MLH3: variants seen among roughly 807,000 people sequenced by gnomAD.
MLH3 encodes DNA mismatch repair protein Mlh3.
Under a neutral mutation model 122.2 loss-of-function variants are expected in MLH3, and 82 were observed. The observed-to-expected ratio is 0.67, with a 90% CI of 0.56 to 0.81. The LOEUF is 0.81. Ranked by LOEUF, MLH3 falls within the 30% of genes least tolerant of loss-of-function variation. The pLI, the probability that MLH3 is intolerant of heterozygous loss-of-function variation, is 0.00. For missense variants in MLH3, 1,539 were observed against 1,714.5 expected, an observed-to-expected ratio of 0.90 and a Z score of 1.81; for synonymous variants, 524 against 599.5, an observed-to-expected ratio of 0.87 and a Z score of 1.84.
At chr14:75,040,780 T>C (rs1400944362) in intron 4 of MLH3, among the ~76,000 whole-genome samples, 2 of 152,170 alleles carry the variant, frequency 1.3e-5, no homozygotes, top group Admixed American at 6.5e-5. Context: ...ATGATAACAA[T>C]TTCATTATCA....
chr14:75,034,009 A>T (rs1350159876), intron 6 of MLH3, among the ~76,000 whole-genome samples: 1 of 152,098 alleles, frequency 6.6e-6, no homozygotes, highest in African/African-American at 2.4e-5. Context: ...CCTGGCCAAC[A>T]TGGTGAAACC....
At position 75,048,008 on chromosome 14, in the gene MLH3, G is replaced by C; in HGVS notation, c.1648C>G (p.Gln550Glu). Residue 550 changes from glutamine to glutamate, a missense_variant, in exon 2 of 13, where the codon CAA (glutamine) becomes GAA (glutamate). Gln to Glu is a conservative substitution (Grantham distance 29). Coordinates refer to ENST00000355774, the MANE Select transcript of MLH3 (RefSeq NM_001040108.2). ...GTAGCATCTTTAAATCTCTTTGGTT[G>C]ATTCTGAATTCTATTATTTTTCAAG... ...NILKNNRIQNQPKRFKDATEV... is the reference protein window; with the variant it reads ...NILKNNRIQNEPKRFKDATEV... 6.2e-7 allele frequency: 1 copy of C among 1,613,494 alleles called. No individual in the cohort carries two copies. The highest frequency in any genetic ancestry group is 1.1e-5 in the South Asian group (1 of 90,826).
intron 5 of MLH3, among the ~76,000 whole-genome samples, chr14:75,039,411 A>G (rs1389806280): frequency 1.3e-5 from 2 of 152,172 alleles, no homozygotes; most frequent in Non-Finnish European, 2.9e-5. Flanking sequence ...TGGTAAACAC[A>G]AGGCAAAATA....
intron 9 of MLH3, among the ~76,000 whole-genome samples, chr14:75,025,797 C>G (rs1403517023): frequency 2.6e-5 from 4 of 152,178 alleles, no homozygotes; most frequent in African/African-American, 9.7e-5. Flanking sequence ...GTGTCTAAAC[C>G]CACCTTCACG....
rs779598518 is a variant in MLH3 at position 75,048,849 on chromosome 14, G to A, written c.807C>T (p.Asp269=). 2.5e-6 allele frequency: 4 copies of A among 1,614,080 alleles called. No homozygotes were observed. Among genetic ancestry groups the A allele is most frequent in the Admixed American group, 1.7e-5 (1 of 60,014 alleles). ...VLRTKLHKLI[D]FLLRKESIIC... ...TAATACTTTCTTTCCTTAATAAAAA[G>A]TCAATGAGTTTATGTAGCTTTGTCC... Residue 269 remains aspartate (D), a synonymous_variant, in exon 2 of 13, where the codon GAC becomes GAT. Transcript: ENST00000355774.
chr14:75,030,834 A>C, intron 8 of MLH3, 132 bp from the exon 9 acceptor site: 5 of 748,496 alleles, frequency 6.7e-6, no homozygotes, highest in Non-Finnish European at 9.0e-6. Flanking sequence ...TGTTTTTCTC[A>C]CACTTATGTG....
intron 5 of MLH3, among the ~76,000 whole-genome samples, chr14:75,039,111 C>A (rs1891629310): frequency 6.6e-6 from 1 of 152,190 alleles, no homozygotes; most frequent in African/African-American, 2.4e-5. Context: ...CCCACCTCGG[C>A]CTCCCAAAGT....
chr14:75,049,669 A>G lies in MLH3; in HGVS notation c.-14T>C. Reference sequence around the variant, plus strand: ...GCACTTGATCATGGTAGGTAGAAAGATGGTGAGAATGCCAGGCACTGGTTT... The same window carrying G: ...GCACTTGATCATGGTAGGTAGAAAGGTGGTGAGAATGCCAGGCACTGGTTT... On this transcript the variant is annotated 5_prime_UTR_variant, in exon 2 of 13. Coordinates refer to ENST00000355774, the MANE Select transcript of MLH3 (RefSeq NM_001040108.2). The G allele has an allele frequency of 5.0e-6, 8 of 1,611,750 alleles. No homozygotes were observed. The highest frequency in any genetic ancestry group is 5.1e-6 in the Non-Finnish European group (6 of 1,178,658).
rs2139454380 is a variant in MLH3 at position 75,038,322 on chromosome 14, G to A, written c.3643+18C>T. ...GAAGACCAGCTGGTTAATCATTCAGGCTAAACTCCATTCTTACCTGCCTCG... is the reference window on the plus strand; with the variant it reads ...GAAGACCAGCTGGTTAATCATTCAGACTAAACTCCATTCTTACCTGCCTCG... On this transcript the variant is annotated intron_variant, in intron 6 of 12. Coordinates refer to ENST00000355774, the MANE Select transcript of MLH3 (RefSeq NM_001040108.2). 1 of 1,595,772 alleles carries A rather than the reference G, an allele frequency of 6.3e-7. No homozygotes were observed. Among genetic ancestry groups the A allele is most frequent in the Non-Finnish European group, 8.6e-7 (1 of 1,163,562 alleles).
At chr14:75,017,241 A>T (rs780644878) in intron 12 of MLH3, 40 bp from the exon 13 acceptor site, 2 of 1,607,454 alleles carry the variant, frequency 1.2e-6, no homozygotes, top group Non-Finnish European at 1.7e-6. Flanking sequence ...CAATATGAAA[A>T]GGTAGGTAGC....
rs780845602 is a variant in MLH3 at position 75,046,920 on chromosome 14, GC to G, written c.2735del (p.Cys912SerfsTer4). 2 of 1,613,896 alleles carry G rather than the reference GC, an allele frequency of 1.2e-6. No individual in the cohort carries two copies. The highest frequency in any genetic ancestry group is 1.3e-5 in the African/African-American group (1 of 74,918). ...SDSSRKDSKL[C>X]SVLTQDFCML... ...TACAAAAATCTTGTGTTAACACACT[GC>G]ACAACTTGCTGTCTTTCCTACTGGA... is the stretch of plus-strand genomic sequence containing the variant. On this transcript the variant is annotated frameshift_variant, in exon 2 of 13. Coordinates refer to ENST00000355774, the MANE Select transcript of MLH3 (RefSeq NM_001040108.2). LOFTEE classifies it high-confidence loss of function.
intron 9 of MLH3, among the ~76,000 whole-genome samples, chr14:75,023,765 T>C (rs897640595): frequency 1.1e-4 from 16 of 152,294 alleles, no homozygotes; most frequent in Admixed American, 7.8e-4. Flanking sequence ...TATAAGAAAA[T>C]CATTTCTTTA....
intron 11 of MLH3, among the ~76,000 whole-genome samples, chr14:75,021,152 C>G (rs997987913): frequency 7.9e-5 from 12 of 152,274 alleles, no homozygotes; most frequent in African/African-American, 2.9e-4. Flanking sequence ...GCTGGGATTA[C>G]AGGCGTAAGC....
intron 6 of MLH3, among the ~76,000 whole-genome samples, chr14:75,033,990 C>A (rs1277185503): frequency 6.6e-6 from 1 of 151,902 alleles, no homozygotes; most frequent in South Asian, 2.1e-4. Context: ...GTCAAGAAAT[C>A]GAGATCATCC....
At chr14:75,027,686 A>AAAC (rs1555341354) in intron 9 of MLH3, among the ~76,000 whole-genome samples, 2 of 149,586 alleles carry the variant, frequency 1.3e-5, no homozygotes, top group African/African-American at 4.9e-5. Flanking sequence ...AAAAAAAAAA[A>AAAC]AAAAAAAACC....
At chr14:75,042,324 T>G in intron 3 of MLH3, 55 bp downstream of exon 3, 2 of 1,481,346 alleles carry the variant, frequency 1.4e-6, no homozygotes, top group East Asian at 4.5e-5. Context: ...CTTTGTTTTT[T>G]GAGTTAGGTG....
At chr14:75,027,321 G>A (rs898319888) in intron 9 of MLH3, among the ~76,000 whole-genome samples, 4 of 150,736 alleles carry the variant, frequency 2.7e-5, no homozygotes, top group South Asian at 4.2e-4. Context: ...GTGCAATGGC[G>A]TGATCTCAGC....
At chr14:75,042,095 G>C (rs923143482) in intron 3 of MLH3, among the ~76,000 whole-genome samples, 3 of 152,198 alleles carry the variant, frequency 2.0e-5, no homozygotes, top group Admixed American at 2.0e-4. Context: ...GCAACTTGGA[G>C]TGCAAGTCCA....
In MLH3 at chr14:75,040,057, G is replaced by T. The variant is rs778940358; in HGVS notation, c.3466-42C>A. The T allele has an allele frequency of 9.4e-6, 10 of 1,065,960 alleles. No individual in the cohort carries two copies. The South Asian group carries it at 1.2e-4, about 13-fold the overall frequency. 66.0% of individuals were successfully genotyped at this position (1,065,960 alleles called of 1,614,324 possible). A position where few individuals can be genotyped will look rare whatever the true frequency, so the allele number is the denominator to read the frequency against. Reference sequence around the variant, plus strand: ...AAATATAATTGAAATTTTAATTTTTGTGTCAGAATTGTTTTACCAAAGATA... The same window carrying T: ...AAATATAATTGAAATTTTAATTTTTTTGTCAGAATTGTTTTACCAAAGATA... On this transcript the variant is annotated intron_variant, in intron 4 of 12. Transcript: ENST00000355774.
Sources: allele counts gnomAD v4.1 joint callset (sites outside exome capture counted in the v4.1 genomes callset), GRCh38; gene constraint gnomAD v4.1.1; transcripts MANE v1.5; gene names NCBI Gene and HGNC (gene_info 2026-07-23, HGNC 2026-07-21).